Variants in PCDH15 observed in about 807,000 individuals in gnomAD.
PCDH15 encodes protocadherin-15.
In PCDH15, 129 loss-of-function variants were observed where a neutral mutation model predicts 178.5. The ratio of observed to expected loss-of-function variants is 0.72; its 90% CI spans 0.63 to 0.84. PCDH15 has a LOEUF of 0.84. PCDH15 is among the 40% of genes least tolerant of loss of function. PCDH15 has a pLI of 0.00. For synonymous variants in PCDH15, 800 were observed against 732.0 expected (o/e 1.09, Z -1.50); for missense variants, 2,230 against 2,099.9 (o/e 1.06, Z -1.21).
At chr10:54,341,688 T>C (rs1942259659) in intron 6 of PCDH15, among the ~76,000 whole-genome samples, 3 of 152,210 alleles carry the variant, frequency 2.0e-5, no homozygotes, top group Non-Finnish European at 4.4e-5. Flanking sequence ...TGGGAAAGTT[T>C]GGACCTTCCT....
intron 3 of PCDH15, among the ~76,000 whole-genome samples, chr10:54,386,100 T>TTG (rs60205554): frequency 0.045 from 6,296 of 139,678 alleles, 129 homozygotes; most frequent in Admixed American, 0.085. Context: ...TAGTTATTAG[T>TTG]TGTGTGTGTG....
intron 2 of PCDH15, among the ~76,000 whole-genome samples, chr10:54,903,583 G>A (rs1170318814): frequency 4.0e-5 from 6 of 150,824 alleles, no homozygotes; most frequent in Admixed American, 6.6e-5. Flanking sequence ...TTTTTTTTGG[G>A]AAAAAGTATT....
At chr10:55,545,286 T>TA (rs397726733) in intron 2 of PCDH15, among the ~76,000 whole-genome samples, 4 of 151,402 alleles carry the variant, frequency 2.6e-5, no homozygotes, top group Admixed American at 6.6e-5. Flanking sequence ...TTTTTTTTTT[T>TA]AGATGGAGTC....
intron 2 of PCDH15, among the ~76,000 whole-genome samples, chr10:54,535,124 A>C (rs1279790000): frequency 6.6e-6 from 1 of 152,194 alleles, no homozygotes; most frequent in Non-Finnish European, 1.5e-5. Context: ...TTTCACCATG[A>C]AGGGAGCAAA....
chr10:54,087,708 A>G (rs2094536759), intron 16 of PCDH15, among the ~76,000 whole-genome samples: 1 of 152,178 alleles, frequency 6.6e-6, no homozygotes, highest in Non-Finnish European at 1.5e-5. Context: ...CCATTTGGAG[A>G]AAAGGCCAGT....
chr10:53,914,808 C>A (rs551330717), intron 25 of PCDH15, among the ~76,000 whole-genome samples: 2 of 152,204 alleles, frequency 1.3e-5, no homozygotes, highest in East Asian at 3.9e-4. Flanking sequence ...TAAAAGCAAT[C>A]TATTACAAAC....
chr10:54,994,102 G>C (rs1283763978), intron 2 of PCDH15, among the ~76,000 whole-genome samples: 1 of 152,100 alleles, frequency 6.6e-6, no homozygotes, highest in African/African-American at 2.4e-5. Flanking sequence ...CATGGATGTT[G>C]AGTCTCTTCA....
chr10:55,028,196 A>G (rs889116991), intron 2 of PCDH15, among the ~76,000 whole-genome samples: 1 of 151,930 alleles, frequency 6.6e-6, no homozygotes, highest in African/African-American at 2.4e-5. Context: ...AAGGAAACCA[A>G]CAAAAGAGGT....
At chr10:54,676,348 ATGTC>A (rs1190674150) in intron 1 of PCDH15, among the ~76,000 whole-genome samples, 4 of 152,024 alleles carry the variant, frequency 2.6e-5, no homozygotes, top group African/African-American at 9.7e-5. Context: ...TTTCATCCCT[ATGTC>A]TGAGTATACT....
intron 31 of PCDH15, 60 bp downstream of exon 31, chr10:53,828,505 T>C: frequency 7.3e-7 from 1 of 1,377,508 alleles, no homozygotes; most frequent in Non-Finnish European, 1.0e-6. Context: ...ATTGATATAA[T>C]CTCGGGTTTC....
chr10:53,991,326 A>G (rs191321153), intron 21 of PCDH15, among the ~76,000 whole-genome samples: 2 of 152,264 alleles, frequency 1.3e-5, no homozygotes, highest in African/African-American at 2.4e-5. Context: ...AGGATTGTAC[A>G]TGCACCAATC....
intron 2 of PCDH15, among the ~76,000 whole-genome samples, chr10:55,477,316 G>C (rs370092471): frequency 6.6e-6 from 1 of 151,828 alleles, no homozygotes; most frequent in Non-Finnish European, 1.5e-5. Flanking sequence ...GACTCCTCAG[G>C]CTGGGTTTGA....
chr10:55,142,204 C>G (rs371447863), intron 2 of PCDH15, among the ~76,000 whole-genome samples: 12 of 152,046 alleles, frequency 7.9e-5, no homozygotes, highest in African/African-American at 2.7e-4. Context: ...CCTATCCCAC[C>G]TTCTTCCATT....
intron 3 of PCDH15, among the ~76,000 whole-genome samples, chr10:54,459,910 T>C (rs1175829162): frequency 1.3e-5 from 2 of 152,140 alleles, no homozygotes; most frequent in African/African-American, 2.4e-5. Flanking sequence ...GCTCTTAATG[T>C]TTTTAGGCAT....
At chr10:54,350,831 C>T (rs144518228) in intron 5 of PCDH15, among the ~76,000 whole-genome samples, 494 of 152,104 alleles carry the variant, frequency 3.2e-3, no homozygotes, top group Non-Finnish European at 5.3e-3. Context: ...GGCCTGGACA[C>T]GGTGGCTAAC....
chr10:54,018,293 T>TA (rs1191786831), intron 20 of PCDH15, among the ~76,000 whole-genome samples: 2 of 152,028 alleles, frequency 1.3e-5, no homozygotes, highest in South Asian at 2.1e-4. Context: ...AAAATAAAAA[T>TA]AAAAATAAAG....
chr10:54,784,902 C>T lies in PCDH15; in HGVS notation c.-29+16023G>A, dbSNP rs75311454. ...TTTTTATATATTTTATTTTTTCTAC[C>T]TCTGACTTCACCCAGCTCCCAACCC... On this transcript the variant is annotated intron_variant, in intron 1 of 37. Transcript: ENST00000644397. Among the ~76,000 whole-genome samples the T allele has an allele frequency of 8.7e-3, 1,313 of 151,654 alleles. 18 individuals carry two copies. Among genetic ancestry groups the T allele is most frequent in the South Asian group, 0.026 (127 of 4,816 alleles).
intron 2 of PCDH15, among the ~76,000 whole-genome samples, chr10:55,066,356 T>A (rs1841564442): frequency 6.6e-6 from 1 of 151,122 alleles, no homozygotes; most frequent in Admixed American, 6.6e-5. Context: ...TGTTTTATTC[T>A]AAGATCTGTA....
chr10:55,547,851 CA>C (rs1457244723), intron 2 of PCDH15, among the ~76,000 whole-genome samples: 1 of 144,166 alleles, frequency 6.9e-6, no homozygotes, highest in Non-Finnish European at 1.5e-5. Flanking sequence ...TATCACTCTG[CA>C]GTGAGGAAGC....
Sources: gnomAD v4.1 joint callset for allele counts (sites outside exome capture counted in the v4.1 genomes callset) on GRCh38, gnomAD v4.1.1 for gene constraint, MANE v1.5 for transcripts, NCBI Gene and HGNC (gene_info 2026-07-23, HGNC 2026-07-21) for gene names.